The following KCNH1 variants were observed in gnomAD, a reference collection of about 807,000 sequenced individuals.
KCNH1 encodes voltage-gated delayed rectifier potassium channel KCNH1.
A neutral mutation model predicts 69.2 loss-of-function variants in KCNH1; 27 were observed. The observed-to-expected ratio is 0.39, with a 90% CI of 0.29 to 0.54. The LOEUF (loss-of-function observed/expected upper bound fraction) is 0.54. KCNH1 is among the 20% of genes least tolerant of loss of function. The probability of loss-of-function intolerance (pLI) is 0.68; values close to 1 mark genes in which losing one functional copy is unlikely to be tolerated. For synonymous variants in KCNH1, 456 were observed against 487.7 expected, an observed-to-expected ratio of 0.93 and a Z score of 0.86; for missense variants, 798 against 1,261.6, an observed-to-expected ratio of 0.63 and a Z score of 5.57.
chr1:210,934,562 C>T (rs1439863129), intron 6 of KCNH1, among the ~76,000 whole-genome samples: 1 of 152,066 alleles, frequency 6.6e-6, no homozygotes, highest in Non-Finnish European at 1.5e-5. Context: ...TCGCTTGAAA[C>T]CAGGAGGCGG....
intron 6 of KCNH1, among the ~76,000 whole-genome samples, chr1:210,959,915 C>T (rs1237562957): frequency 2.0e-5 from 3 of 152,216 alleles, no homozygotes; most frequent in Non-Finnish European, 4.4e-5. Context: ...GGGCTATACC[C>T]ACTGTCCAAC....
chr1:210,964,434 A>G (rs1176917395), intron 6 of KCNH1, among the ~76,000 whole-genome samples: 1 of 152,144 alleles, frequency 6.6e-6, no homozygotes, highest in Non-Finnish European at 1.5e-5. Flanking sequence ...TCCACACATA[A>G]CAATATTAAA....
At chr1:210,785,224 T>C (rs1684070751) in intron 9 of KCNH1, among the ~76,000 whole-genome samples, 1 of 152,158 alleles carries the variant, frequency 6.6e-6, no homozygotes, top group Non-Finnish European at 1.5e-5. Context: ...GGCCTTTATA[T>C]GGTGAGGTGA....
At chr1:210,732,972 G>A (rs1388390288) in intron 10 of KCNH1, among the ~76,000 whole-genome samples, 2 of 152,244 alleles carry the variant, frequency 1.3e-5, no homozygotes, top group East Asian at 3.9e-4. Context: ...GTGATGGGTC[G>A]TTGAGAGCCC....
intron 7 of KCNH1, among the ~76,000 whole-genome samples, chr1:210,832,572 AT>A (rs1188689373): frequency 6.6e-6 from 1 of 152,130 alleles, no homozygotes; most frequent in Non-Finnish European, 1.5e-5. Context: ...AACCAGGATT[AT>A]TTGGTCTCCA....
At chr1:211,048,585 G>C (rs529717333) in intron 5 of KCNH1, among the ~76,000 whole-genome samples, 1 of 152,252 alleles carries the variant, frequency 6.6e-6, no homozygotes, top group East Asian at 1.9e-4. Context: ...TAAGTGAAGT[G>C]ACTCAGGAAT....
At chr1:211,022,795 T>A (rs964177800) in intron 5 of KCNH1, among the ~76,000 whole-genome samples, 1 of 151,938 alleles carries the variant, frequency 6.6e-6, no homozygotes, top group African/African-American at 2.4e-5. Flanking sequence ...CCCAGTTAAA[T>A]GGCTATTATC....
intron 7 of KCNH1, among the ~76,000 whole-genome samples, chr1:210,832,630 C>G (rs2102441258): frequency 6.6e-6 from 1 of 152,182 alleles, no homozygotes; most frequent in Non-Finnish European, 1.5e-5. Flanking sequence ...AGTCAATGTT[C>G]TCTGCAGGAG....
At chr1:210,701,203 C>T (rs1341853382) in intron 10 of KCNH1, among the ~76,000 whole-genome samples, 2 of 152,214 alleles carry the variant, frequency 1.3e-5, no homozygotes, top group East Asian at 3.8e-4. Flanking sequence ...TCCCAAAGTG[C>T]TGGGATTACA....
chr1:211,010,224 T>C (rs1348286047), intron 6 of KCNH1, among the ~76,000 whole-genome samples: 15 of 151,268 alleles, frequency 9.9e-5, no homozygotes, highest in Non-Finnish European at 1.5e-5. Context: ...GGAACAGGAG[T>C]TGGGGGAATG....
Position 210,682,906 on chromosome 1 carries a change from A to G in KCNH1, c.*375T>C, listed in dbSNP as rs529775803. The G allele has an allele frequency of 4.0e-6, 1 of 252,038 alleles. No homozygotes were observed. Among genetic ancestry groups the G allele is most frequent in the African/African-American group, 2.3e-5 (1 of 44,228 alleles). The allele number at this position is 252,038 out of a possible 1,614,324, so 15.6% of individuals were successfully genotyped here. ...CAAAGGAGCCCAGCATAGTATATAC[A>G]TGAGAGGTTCTCGGCACTTTCCCAC... On this transcript the variant is annotated 3_prime_UTR_variant, in exon 11 of 11. Coordinates refer to ENST00000271751, the MANE Select transcript of KCNH1 (RefSeq NM_172362.3).
At chr1:210,821,536 T>C (rs111835153) in intron 7 of KCNH1, among the ~76,000 whole-genome samples, 1,596 of 152,232 alleles carry the variant, frequency 0.01, 29 homozygotes, top group African/African-American at 0.036. Context: ...CACGATCATC[T>C]TGGTGGTCCA....
At chr1:211,016,617 C>T (rs1689495824) in intron 6 of KCNH1, among the ~76,000 whole-genome samples, 1 of 151,898 alleles carries the variant, frequency 6.6e-6, no homozygotes, top group Non-Finnish European at 1.5e-5. Flanking sequence ...TACTAAAATT[C>T]TCATTTGTGG....
intron 8 of KCNH1, among the ~76,000 whole-genome samples, chr1:210,799,053 G>A (rs1437085021): frequency 6.6e-6 from 1 of 151,680 alleles, no homozygotes; most frequent in Non-Finnish European, 1.5e-5. Context: ...AATGGGAAGA[G>A]ACAAATAGTA....
Position 211,095,675 on chromosome 1 carries a change from G to A in KCNH1, c.311-4985C>T, listed in dbSNP as rs545618782. Reference sequence around the variant, plus strand: ...GACCATATTCGACAGCAATGGAACAGACCAAGCCACTGTGATTGGCTTTTG... The same window carrying A: ...GACCATATTCGACAGCAATGGAACAAACCAAGCCACTGTGATTGGCTTTTG... On this transcript the variant is annotated intron_variant, in intron 3 of 10. Transcript: ENST00000271751. Among the ~76,000 whole-genome samples, 45 of 152,332 alleles carry A rather than the reference G, an allele frequency of 3.0e-4. No homozygotes were observed. The South Asian group carries it at 8.9e-3, about 30-fold the overall frequency.
intron 5 of KCNH1, among the ~76,000 whole-genome samples, chr1:211,021,171 G>A (rs1689580956): frequency 6.6e-6 from 1 of 152,032 alleles, no homozygotes; most frequent in Non-Finnish European, 1.5e-5. Flanking sequence ...GTGGGAAGGG[G>A]GTAGGGGATA....
At chr1:210,860,443 T>C (rs1685953448) in intron 7 of KCNH1, 2 of 929,380 alleles carry the variant, frequency 2.2e-6, no homozygotes, top group Admixed American at 3.4e-5. Flanking sequence ...GTCAATTGTA[T>C]TCAGAATTCC....
chr1:211,107,791 T>C (rs1370323184), intron 1 of KCNH1, among the ~76,000 whole-genome samples: 3 of 152,206 alleles, frequency 2.0e-5, no homozygotes, highest in Admixed American at 1.3e-4. Context: ...TTCAGTCTTT[T>C]GGCCAGAAGC....
rs2088876 is a variant in KCNH1, at chr1:210,982,103, T to G, written c.1032+36680A>C. Among the ~76,000 whole-genome samples, 1,512 of 152,158 alleles carry G rather than the reference T, an allele frequency of 9.9e-3. 49 individuals are homozygous for G. Among genetic ancestry groups the G allele is most frequent in the East Asian group, 0.055 (287 of 5,172 alleles). The stretch of plus-strand genomic sequence containing the variant: ...ATCTTTAGTCCACCAGCAATAAGAC[T>G]TTCAAAAAGTCAATTGCTCCTGACT... On this transcript the variant is annotated intron_variant, in intron 6 of 10. Transcript: ENST00000271751.
Sources: allele counts gnomAD v4.1 joint callset (sites outside exome capture counted in the v4.1 genomes callset), GRCh38; gene constraint gnomAD v4.1.1; transcripts MANE v1.5; gene names NCBI Gene and HGNC (gene_info 2026-07-23, HGNC 2026-07-21).